The following PARD3 variants were observed in gnomAD, a reference collection of about 807,000 sequenced individuals.
PARD3 encodes the protein par-3 family cell polarity regulator, also known as partitioning defective 3 homolog.
Under a neutral mutation model 155.4 loss-of-function variants are expected in PARD3, and 75 were observed. That is an observed-to-expected ratio of 0.48 (90% CI 0.40 to 0.58). The LOEUF (loss-of-function observed/expected upper bound fraction) is 0.58. Ranked by LOEUF, PARD3 falls within the 20% of genes least tolerant of loss-of-function variation. The pLI is 0.00. For missense variants in PARD3, 1,642 were observed against 1,721.7 expected (o/e 0.95, Z 0.82); for synonymous variants, 576 against 610.5 (o/e 0.94, Z 0.83).
intron 3 of PARD3, among the ~76,000 whole-genome samples, chr10:34,473,530 TA>T (rs5784420): frequency 0.52 from 75,949 of 145,756 alleles, 22,127 homozygotes; most frequent in African/African-American, 0.83. Flanking sequence ...CTACAAAAAA[TA>T]AAAAAAAAAA....
At chr10:34,492,467 T>C (rs2079983540) in intron 3 of PARD3, among the ~76,000 whole-genome samples, 1 of 152,224 alleles carries the variant, frequency 6.6e-6, no homozygotes, top group South Asian at 2.1e-4. Flanking sequence ...GCTTTTGATT[T>C]TTGGAAATAA....
At chr10:34,743,401 T>G (rs200696054) in intron 1 of PARD3, among the ~76,000 whole-genome samples, 2 of 152,328 alleles carry the variant, frequency 1.3e-5, no homozygotes, top group East Asian at 3.9e-4. Context: ...TTTCTTTGAT[T>G]GACCTAAGAA....
At chr10:34,706,728 T>G (rs2094368357) in intron 1 of PARD3, among the ~76,000 whole-genome samples, 1 of 152,116 alleles carries the variant, frequency 6.6e-6, no homozygotes, top group Non-Finnish European at 1.5e-5. Context: ...ACCACTGCAC[T>G]CCAGCTGGGG....
chr10:34,239,143 T>G (rs1953421586), intron 22 of PARD3, among the ~76,000 whole-genome samples: 1 of 152,264 alleles, frequency 6.6e-6, no homozygotes, highest in South Asian at 2.1e-4. Context: ...TCGAACATTT[T>G]ATTTAAGGTC....
chr10:34,557,198 C>A (rs756640081), intron 2 of PARD3, among the ~76,000 whole-genome samples: 1 of 152,106 alleles, frequency 6.6e-6, no homozygotes, highest in South Asian at 2.1e-4. Flanking sequence ...TGCTCATCTC[C>A]GAGTATGTTG....
At chr10:34,311,881 G>T (rs1052510895) in intron 20 of PARD3, among the ~76,000 whole-genome samples, 1 of 152,188 alleles carries the variant, frequency 6.6e-6, no homozygotes, top group Admixed American at 6.5e-5. Flanking sequence ...ATGGGTGACT[G>T]TACCAGCCCA....
intron 2 of PARD3, among the ~76,000 whole-genome samples, chr10:34,527,661 G>A (rs554136058): frequency 6.6e-6 from 1 of 152,292 alleles, no homozygotes; most frequent in South Asian, 2.1e-4. Flanking sequence ...GACACACAAT[G>A]AAAACCTCAA....
intron 21 of PARD3, among the ~76,000 whole-genome samples, chr10:34,282,300 A>C (rs951990550): frequency 6.6e-6 from 1 of 152,142 alleles, no homozygotes; most frequent in African/African-American, 2.4e-5. Context: ...TGACCCTGAA[A>C]GATTTTTATT....
At chr10:34,346,336 A>T in intron 15 of PARD3, 4 of 1,275,036 alleles carry the variant, frequency 3.1e-6, no homozygotes, top group Admixed American at 2.6e-5. Flanking sequence ...TTTTGGTTTG[A>T]GTTTTAGTTT....
chr10:34,586,952 A>G (rs192643370), intron 2 of PARD3, among the ~76,000 whole-genome samples: 145 of 152,236 alleles, frequency 9.5e-4, no homozygotes, highest in Middle Eastern at 3.4e-3. Context: ...TCCATCTCCG[A>G]AAAAAAGAAG....
At chr10:34,123,969 ATT>A (rs1327942964) in intron 23 of PARD3, among the ~76,000 whole-genome samples, 8 of 152,210 alleles carry the variant, frequency 5.3e-5, no homozygotes, top group African/African-American at 1.9e-4. Context: ...AAATAAAATC[ATT>A]GTTATATTAA....
At chr10:34,423,891 C>T (rs1238213972) in intron 5 of PARD3, among the ~76,000 whole-genome samples, 1 of 152,110 alleles carries the variant, frequency 6.6e-6, no homozygotes, top group Non-Finnish European at 1.5e-5. Context: ...TATTAACAAA[C>T]TGGCAAACTT....
At chr10:34,285,590 A>C (rs1039763386) in intron 20 of PARD3, among the ~76,000 whole-genome samples, 1 of 152,100 alleles carries the variant, frequency 6.6e-6, no homozygotes, top group East Asian at 1.9e-4. Context: ...AAAAAAAAGA[A>C]AGAAAGAAAC....
rs747213354 is a variant in PARD3, at chr10:34,371,634, A to AT, written c.1707+863dup. On this transcript the variant is annotated intron_variant, in intron 12 of 24. Coordinates refer to ENST00000374788, the MANE Select transcript of PARD3 (RefSeq NM_001184785.2). ...TTATTATGTTATTTAAATTCATTAT[A>AT]TTTTTTCTTTAGTCAACAATGTAAA... Among the ~76,000 whole-genome samples, 3 of 150,102 alleles carry AT rather than the reference A, an allele frequency of 2.0e-5. No homozygotes were observed. In the East Asian group the frequency reaches 6.1e-4, roughly 31 times the overall value.
In PARD3 at chr10:34,403,958, C is replaced by T. The variant is rs187930724; in HGVS notation, c.715-2041G>A. ...CTACTGAAATGCCACCAAGATGTAT[C>T]ACCACTTGAAACACCTATGTTGCAC... is the stretch of plus-strand genomic sequence containing the variant. On this transcript the variant is annotated intron_variant, in intron 5 of 24. Coordinates refer to ENST00000374788, the MANE Select transcript of PARD3 (RefSeq NM_001184785.2). 6.8e-4 allele frequency among the ~76,000 whole-genome samples: 104 copies of T among 152,214 alleles called. 1 individual carries two copies. The highest frequency in any genetic ancestry group is 2.5e-3 in the African/African-American group (103 of 41,550).
chr10:34,708,251 G>A (rs2094397134), intron 1 of PARD3, among the ~76,000 whole-genome samples: 1 of 146,724 alleles, frequency 6.8e-6, no homozygotes, highest in Non-Finnish European at 1.5e-5. Flanking sequence ...CAACGCAATT[G>A]CACTGATCTT....
At chr10:34,417,317 GAATT>G (rs1845767736) in intron 5 of PARD3, among the ~76,000 whole-genome samples, 1 of 152,114 alleles carries the variant, frequency 6.6e-6, no homozygotes. Flanking sequence ...AGGTAAGAAT[GAATT>G]CACTTTGCAG....
intron 20 of PARD3, among the ~76,000 whole-genome samples, chr10:34,286,818 G>C (rs61840243): frequency 0.096 from 14,673 of 152,208 alleles, 751 homozygotes; most frequent in Non-Finnish European, 0.1. Flanking sequence ...TGAAACCAGG[G>C]AGAACGGTCA....
intron 9 of PARD3, among the ~76,000 whole-genome samples, chr10:34,380,723 C>T (rs1318858742): frequency 6.6e-6 from 1 of 151,960 alleles, no homozygotes; most frequent in Admixed American, 6.6e-5. Flanking sequence ...GTCAAATATC[C>T]TAATTTTTGA....
Sources: allele counts gnomAD v4.1 joint callset (sites outside exome capture counted in the v4.1 genomes callset), GRCh38; gene constraint gnomAD v4.1.1; transcripts MANE v1.5; gene names NCBI Gene and HGNC (gene_info 2026-07-23, HGNC 2026-07-21).